Variants in PRMT7 observed in about 807,000 individuals in gnomAD.
The protein encoded by PRMT7 is protein arginine methyltransferase 7, also known as protein arginine N-methyltransferase 7.
PRMT7 carries 75 observed loss-of-function variants against 85.4 expected under a neutral mutation model. The ratio of observed to expected loss-of-function variants is 0.88; its 90% confidence interval spans 0.73 to 1.06. The LOEUF (loss-of-function observed/expected upper bound fraction) is 1.06, where lower values mean the gene tolerates loss of function less well. PRMT7 is among the 50% of genes least tolerant of loss of function. The probability of loss-of-function intolerance (pLI) is 0.00; values close to 1 mark genes in which losing one functional copy is unlikely to be tolerated. For synonymous variants in PRMT7, 397 were observed against 359.5 expected (o/e 1.10, Z -1.18); for missense variants, 868 against 915.2 (o/e 0.95, Z 0.67).
At chr16:68,315,509 C>G (rs2044612763) in intron 2 of PRMT7, 2 of 175,954 alleles carry the variant, frequency 1.1e-5, no homozygotes, top group Non-Finnish European at 2.4e-5. Flanking sequence ...AAGGGTTCAG[C>G]ATACGAAGGC....
intron 14 of PRMT7, among the ~76,000 whole-genome samples, 200 bp downstream of exon 14, chr16:68,348,631 C>CTT (rs56041186): frequency 0.012 from 800 of 67,660 alleles, 48 homozygotes; most frequent in African/African-American, 0.047. Flanking sequence ...TTGCACTGCT[C>CTT]TTTTTTTTTT....
chr16:68,343,901 GT>G lies in PRMT7; in HGVS notation c.928-1769del, dbSNP rs570664418. On this transcript the variant is annotated intron_variant, in intron 9 of 18. Coordinates refer to ENST00000441236, the MANE Select transcript of PRMT7 (RefSeq NM_019023.5). Reference sequence around the variant, plus strand: ...TGCTCTTGGAGTCCCACAGGGCCAAGTTTTTCTTAGTTCCTGAAGGTGACAG... The same window carrying G: ...TGCTCTTGGAGTCCCACAGGGCCAAGTTTTCTTAGTTCCTGAAGGTGACAG... Among the ~76,000 whole-genome samples, 384 of 152,330 alleles carry G rather than the reference GT, an allele frequency of 2.5e-3. 1 individual carries two copies. Among genetic ancestry groups the G allele is most frequent in the Non-Finnish European group, 4.1e-3 (282 of 68,022 alleles).
intron 5 of PRMT7, among the ~76,000 whole-genome samples, chr16:68,327,573 G>A (rs951181768): frequency 2.0e-5 from 3 of 151,978 alleles, no homozygotes; most frequent in African/African-American, 4.8e-5. Context: ...GGTAAGGGAG[G>A]GCCTCCAAAG....
intron 4 of PRMT7, among the ~76,000 whole-genome samples, chr16:68,322,084 A>T (rs1302239373): frequency 6.6e-6 from 1 of 151,910 alleles, no homozygotes; most frequent in Non-Finnish European, 1.5e-5. Context: ...AAGTGTTGGG[A>T]TTGTACCTAG....
At chr16:68,326,207 C>G (rs1670558264) in intron 5 of PRMT7, among the ~76,000 whole-genome samples, 1 of 152,120 alleles carries the variant, frequency 6.6e-6, no homozygotes, top group South Asian at 2.1e-4. Flanking sequence ...AATACTTTCC[C>G]TACAAAATTG....
chr16:68,333,590 TG>T (rs1285844642), intron 6 of PRMT7, among the ~76,000 whole-genome samples: 2 of 152,108 alleles, frequency 1.3e-5, no homozygotes, highest in African/African-American at 2.4e-5. Context: ...CCCAAAGTGC[TG>T]GGATCACAGA....
At chr16:68,331,209 C>G (rs2083841970) in intron 6 of PRMT7, among the ~76,000 whole-genome samples, 1 of 151,978 alleles carries the variant, frequency 6.6e-6, no homozygotes, top group Admixed American at 6.6e-5. Flanking sequence ...AGTGTGGACT[C>G]TTCTGTGTGT....
chr16:68,346,147 C>G lies in PRMT7; in HGVS notation c.1058C>G (p.Pro353Arg). Residue 353 changes from proline (P) to arginine (R), a missense_variant and splice_region_variant, in exon 11 of 19, where the codon CCT becomes CGT. By Grantham distance (103) the Pro-to-Arg change is moderately radical. Coordinates refer to ENST00000441236, the MANE Select transcript of PRMT7 (RefSeq NM_019023.5). ...TGTTTGTTCATCTCCTGGCCTAGCC[C>G]TGAAAAGAATGAGAGAGTCCGCCAG... ...CVWYSLQRTSPEKNERVRQMR... is the reference protein window; with the variant it reads ...CVWYSLQRTSREKNERVRQMR... 6.2e-7 allele frequency: 1 copy of G among 1,613,628 alleles called. No individual in the cohort carries two copies. The highest frequency in any genetic ancestry group is 1.3e-5 in the African/African-American group (1 of 75,034).
intron 9 of PRMT7, among the ~76,000 whole-genome samples, chr16:68,340,608 C>T (rs1488893653): frequency 1.3e-5 from 2 of 150,222 alleles, no homozygotes; most frequent in Non-Finnish European, 3.0e-5. Flanking sequence ...AGAAATGCAA[C>T]TTTAAACTGC....
chr16:68,315,874 C>CGA, intron 2 of PRMT7, 23 bp from the exon 3 acceptor site: 1 of 902,918 alleles, frequency 1.1e-6, no homozygotes, highest in Non-Finnish European at 1.8e-6. Flanking sequence ...TATATACCTC[C>CGA]TGTTTCCTTC....
At chr16:68,320,614 G>A (rs1265294043) in intron 3 of PRMT7, among the ~76,000 whole-genome samples, 3 of 152,172 alleles carry the variant, frequency 2.0e-5, no homozygotes, top group Admixed American at 6.5e-5. Context: ...CCTTCAGTGT[G>A]GGCATCATAG....
Position 68,339,814 on chromosome 16 carries a change from G to T in PRMT7, c.773G>T (p.Ser258Ile), listed in dbSNP as rs763764302. ...FSIDFSKQVS[S>I]SAACHSRRFE... ...ATAGACTTCAGCAAGCAAGTCAGTA[G>T]CTCAGCAGCCTGCCATAGCAGGCGG... The change falls in exon 9 of 19, where the codon AGC (serine) becomes ATC (isoleucine). Residue 258 changes from serine (S) to isoleucine (I), a missense_variant. Physicochemically the swap from Ser to Ile is moderately radical, Grantham distance 142 (BLOSUM62 -2). Coordinates refer to ENST00000441236, the MANE Select transcript of PRMT7 (RefSeq NM_019023.5). The T allele has an allele frequency of 1.9e-6, 3 of 1,614,096 alleles. No homozygotes were observed. The highest frequency in any genetic ancestry group is 1.7e-6 in the Non-Finnish European group (2 of 1,179,920).
At chr16:68,316,836 G>A (rs955878626) in intron 3 of PRMT7, 1 of 152,186 alleles carries the variant, frequency 6.6e-6, no homozygotes, top group African/African-American at 2.4e-5. Context: ...TTGTGCTAAG[G>A]CTGTGGATAC....
At chr16:68,325,144 G>T (rs2082955525) in intron 5 of PRMT7, among the ~76,000 whole-genome samples, 1 of 151,538 alleles carries the variant, frequency 6.6e-6, no homozygotes, top group South Asian at 2.1e-4. Flanking sequence ...AATTGCTTGA[G>T]CCCAGGAGTT....
At chr16:68,311,143 T>G in intron 1 of PRMT7, 44 bp downstream of exon 1, 1 of 658,768 alleles carries the variant, frequency 1.5e-6, no homozygotes, top group South Asian at 1.6e-5. Context: ...GCTTTGGGGT[T>G]CTGTGTGCAG....
intron 3 of PRMT7, among the ~76,000 whole-genome samples, chr16:68,317,646 G>A (rs2082018441): frequency 2.0e-5 from 3 of 152,100 alleles, no homozygotes; most frequent in Admixed American, 6.6e-5. Context: ...TGACCAACAT[G>A]GAGAAACCCT....
intron 14 of PRMT7, chr16:68,351,996 T>C (rs1217336441): frequency 7.4e-6 from 3 of 404,626 alleles, no homozygotes; most frequent in Non-Finnish European, 1.4e-5. Flanking sequence ...ACGGGACTCA[T>C]GTCTGGTTGT....
At position 68,352,259 on chromosome 16, in the gene PRMT7, C is replaced by G. The variant is rs778644360; in HGVS notation, c.1425C>G (p.Leu475=). ...EDLQGRKVSL[L]LGEPFFTTSL... Reference sequence around the variant, plus strand: ...CGCCCATTCACCAGGTCTCTCTCCTCCTGGGCGAGCCGTTCTTCACTACCA... The same window carrying G: ...CGCCCATTCACCAGGTCTCTCTCCTGCTGGGCGAGCCGTTCTTCACTACCA... Residue 475 remains leucine (L), a synonymous_variant, in exon 15 of 19, where the codon CTC becomes CTG. Transcript: ENST00000441236. 1.9e-6 allele frequency: 3 copies of G among 1,613,202 alleles called. No homozygotes were observed. In the African/African-American group the frequency reaches 4.0e-5, roughly 22 times the overall value.
intron 3 of PRMT7, among the ~76,000 whole-genome samples, chr16:68,320,381 A>G (rs1426861607): frequency 1.3e-5 from 2 of 152,184 alleles, no homozygotes; most frequent in African/African-American, 4.8e-5. Context: ...ACAGAACTTT[A>G]CCTACATATT....
Sources: allele counts gnomAD v4.1 joint callset (sites outside exome capture counted in the v4.1 genomes callset), GRCh38; gene constraint gnomAD v4.1.1; transcripts MANE v1.5; gene names NCBI Gene and HGNC (gene_info 2026-07-23, HGNC 2026-07-21).